Variants in OR2T34 observed in about 807,000 individuals in gnomAD.
OR2T34 encodes olfactory receptor family 2 subfamily T member 34, also known as olfactory receptor 2T34.
For synonymous variants in OR2T34, 73 were observed against 151.2 expected (o/e 0.48, Z 3.79); for missense variants, 200 against 384.5 (o/e 0.52, Z 4.01).
At position 248,574,358 on chromosome 1, in the gene OR2T34, G is replaced by T. The variant is rs149589955; in HGVS notation, c.400C>A (p.Pro134Thr). 3 of 1,577,756 alleles carry T rather than the reference G, an allele frequency of 1.9e-6. No homozygotes were observed. Among genetic ancestry groups the T allele is most frequent in the Non-Finnish European group, 2.6e-6 (3 of 1,153,344 alleles). Residue 134 changes from proline to threonine, a missense_variant, in exon 1 of 1, where the codon CCT becomes ACT. Coordinates refer to ENST00000328782, the MANE Select transcript of OR2T34 (RefSeq NM_001001821.1). ...TTCATCAGCAGTGGGTAATGGAGAGGTCTGCAAACAGCAGCATATCGGTCA... is the reference window on the plus strand; with the variant it reads ...TTCATCAGCAGTGGGTAATGGAGAGTTCTGCAAACAGCAGCATATCGGTCA... ...AYDRYAAVCR[P>T]LHYPLLMNQR...
Position 248,574,181 on chromosome 1 carries a change from A to T in OR2T34, c.577T>A (p.Ser193Thr), listed in dbSNP as rs1489562483. ...TTATAGAGGGAGACGTCAGAGCAGG[A>T]GAGCTTCAGCAGGGCAGGAGTCTCA... ...FCETPALLKL[S>T]CSDVSLYKML... The change falls in exon 1 of 1, where the codon TCC becomes ACC. Residue 193 changes from serine to threonine, a missense_variant. Ser to Thr is a moderately conservative substitution (Grantham distance 58, BLOSUM62 1). Coordinates refer to ENST00000328782, the MANE Select transcript of OR2T34 (RefSeq NM_001001821.1). 1 of 1,607,518 alleles carries T rather than the reference A, an allele frequency of 6.2e-7. No homozygotes were observed. Among genetic ancestry groups the T allele is most frequent in the Non-Finnish European group, 8.5e-7 (1 of 1,179,672 alleles).
Position 248,574,158 on chromosome 1 carries a change from A to G in OR2T34, c.600T>C (p.Tyr200=), listed in dbSNP as rs1467428129. The G allele has an allele frequency of 6.2e-7, 1 of 1,606,892 alleles. No individual in the cohort carries two copies. The highest frequency in any genetic ancestry group is 8.5e-7 in the Non-Finnish European group (1 of 1,179,750). ...TGCAGCACAGGTACGTGAGCATCTT[A>G]TAGAGGGAGACGTCAGAGCAGGAGA... is the stretch of plus-strand genomic sequence containing the variant. ...LKLSCSDVSL[Y]KMLTYLCCIL... Residue 200 remains tyrosine, a synonymous_variant, in exon 1 of 1, where the codon TAT becomes TAC. Transcript: ENST00000328782.
Position 248,574,117 on chromosome 1 carries a change from G to GT in OR2T34, c.640dup (p.Thr214AsnfsTer61), listed in dbSNP as rs774766503. ...TGAGCTGGAGATGACCATGATGGGGGTGAGAAGCATGAGGATGCAGCACAG... is the reference window on the plus strand; with the variant it reads ...TGAGCTGGAGATGACCATGATGGGGGTTGAGAAGCATGAGGATGCAGCACAG... On this transcript the variant is annotated frameshift_variant, in exon 1 of 1. Coordinates refer to ENST00000328782, the MANE Select transcript of OR2T34 (RefSeq NM_001001821.1). LOFTEE classifies it low-confidence loss of function (END_TRUNC). 5.6e-6 allele frequency: 9 copies of GT among 1,606,744 alleles called. 3 individuals carry two copies. In the African/African-American group the frequency reaches 1.3e-4, roughly 24 times the overall value.
In OR2T34 at chr1:248,574,060, A is replaced by C; in HGVS notation, c.698T>G (p.Met233Arg). The C allele has an allele frequency of 6.2e-7, 1 of 1,605,126 alleles. No homozygotes were observed. The highest frequency in any genetic ancestry group is 8.5e-7 in the Non-Finnish European group (1 of 1,179,114). The stretch of plus-strand genomic sequence containing the variant: ...CTTCCTGCGGCCGGCGGCAGAATTC[A>C]TCCTGTGGATGAGATGCAGGATGAG... The part of the protein sequence containing the change: ...YTLILHLIHR[M>R]NSAAGRRKAL... Residue 233 changes from methionine (M) to arginine (R), a missense_variant, in exon 1 of 1, where the codon ATG becomes AGG. Transcript: ENST00000328782.
chr1:248,574,578 G>A lies in OR2T34; in HGVS notation c.180C>T (p.Leu60=). ...TGATGAAGAAGTACATGGGGGTGTG[G>A]AGGCGGGGCTCTGAGTGGATGAGGA... The part of the protein sequence containing the change: ...LILLIHSEPR[L]HTPMYFFISQ... The change falls in exon 1 of 1, where the codon CTC becomes CTT. Residue 60 remains leucine (L), a synonymous_variant. Transcript: ENST00000328782. 1 of 1,534,894 alleles carries A rather than the reference G, an allele frequency of 6.5e-7. No homozygotes were observed. The highest frequency in any genetic ancestry group is 8.9e-7 in the Non-Finnish European group (1 of 1,123,814).
In OR2T34 at chr1:248,574,037, T is replaced by C. The variant is rs1214788307; in HGVS notation, c.721A>G (p.Lys241Glu). 5 of 1,596,344 alleles carry C rather than the reference T, an allele frequency of 3.1e-6. No homozygotes were observed. Among genetic ancestry groups the C allele is most frequent in the African/African-American group, 1.6e-5 (1 of 64,098 alleles). ...HRMNSAAGRR[K>E]ALATCSSHMI... Reference sequence around the variant, plus strand: ...TGGGAGGAGCAGGTGGCCAAGGCCTTCCTGCGGCCGGCGGCAGAATTCATC... The same window carrying C: ...TGGGAGGAGCAGGTGGCCAAGGCCTCCCTGCGGCCGGCGGCAGAATTCATC... Residue 241 changes from lysine (K) to glutamate (E), a missense_variant, in exon 1 of 1, where the codon AAG becomes GAG. By Grantham distance (56) the Lys-to-Glu change is moderately conservative. Coordinates refer to ENST00000328782, the MANE Select transcript of OR2T34 (RefSeq NM_001001821.1).
Position 248,574,415 on chromosome 1 carries a change from C to T in OR2T34, c.343G>A (p.Ala115Thr). Residue 115 changes from alanine to threonine, a missense_variant, in exon 1 of 1, where the codon GCT becomes ACT. Physicochemically the swap from Ala to Thr is moderately conservative, Grantham distance 58. Coordinates refer to ENST00000328782, the MANE Select transcript of OR2T34 (RefSeq NM_001001821.1). ...QMFFHLTLAG[A>T]EVFLLAAMAY... ...ATGGCAGCCAGGAGGAAAACCTCAGCTCCAGCCAGGGTCAGGTGGAAGAAC... is the reference window on the plus strand; with the variant it reads ...ATGGCAGCCAGGAGGAAAACCTCAGTTCCAGCCAGGGTCAGGTGGAAGAAC... 2.5e-6 allele frequency: 4 copies of T among 1,588,820 alleles called. No individual in the cohort carries two copies. In the East Asian group the frequency reaches 9.0e-5, roughly 36 times the overall value.
rs148006635 is a variant in OR2T34, at chr1:248,574,211, A to G, written c.547T>C (p.Phe183Leu). 5.6e-3 allele frequency: 8,960 copies of G among 1,604,964 alleles called. No homozygotes were observed. Among genetic ancestry groups the G allele is most frequent in the Middle Eastern group, 7.4e-3 (45 of 6,044 alleles). ...FCQSRKILSF[F>L]CETPALLKLS... is the part of the protein sequence containing the mutation. ...TTCAGCAGGGCAGGAGTCTCACAGA[A>G]AAAACTCAGGATTTTCCTAGACTGG... The change falls in exon 1 of 1, where the codon TTC becomes CTC. Residue 183 changes from phenylalanine (F) to leucine (L), a missense_variant. Transcript: ENST00000328782.
At position 248,574,544 on chromosome 1, in the gene OR2T34, C is replaced by T. The variant is rs761996365; in HGVS notation, c.214G>A (p.Ala72Thr). ...CATAGGTACATGAGATCCATGAGCG[C>T]GAGCTGGCTGATGAAGAAGTACATG... ...TPMYFFISQL[A>T]LMDLMYLCVT... The change falls in exon 1 of 1, where the codon GCG (alanine) becomes ACG (threonine). Residue 72 changes from alanine to threonine, a missense_variant. Physicochemically the swap from Ala to Thr is moderately conservative, Grantham distance 58. Transcript: ENST00000328782. 58 of 1,529,260 alleles carry T rather than the reference C, an allele frequency of 3.8e-5. No homozygotes were observed. The highest frequency in any genetic ancestry group is 1.8e-4 in the East Asian group (8 of 44,020). The allele number at this position is 1,529,260 out of a possible 1,614,324, so 94.7% of individuals were successfully genotyped here.
In OR2T34 at chr1:248,574,018, G is replaced by A. The variant is rs77940099; in HGVS notation, c.740C>T (p.Ser247Phe). Residue 247 changes from serine to phenylalanine, a missense_variant, in exon 1 of 1, where the codon TCC becomes TTC. By Grantham distance (155) the Ser-to-Phe change is radical. Transcript: ENST00000328782. ...CAGCAGCACTATGATCATGTGGGAG[G>A]AGCAGGTGGCCAAGGCCTTCCTGCG... ...AGRRKALATCSSHMIIVLLLF... is the reference protein window; with the variant it reads ...AGRRKALATCFSHMIIVLLLF... The A allele has an allele frequency of 0.11, 168,759 of 1,544,580 alleles. 1,831 individuals carry two copies. Among genetic ancestry groups the A allele is most frequent in the African/African-American group, 0.3 (17,456 of 58,596 alleles).
At position 248,574,410 on chromosome 1, in the gene OR2T34, C is replaced by T. The variant is rs1659723397; in HGVS notation, c.348G>A (p.Glu116=). 6 of 1,589,072 alleles carry T rather than the reference C, an allele frequency of 3.8e-6. No homozygotes were observed. The highest frequency in any genetic ancestry group is 3.3e-4 in the Middle Eastern group (2 of 5,994). Residue 116 remains glutamate, a synonymous_variant, in exon 1 of 1, where the codon GAG becomes GAA. Coordinates refer to ENST00000328782, the MANE Select transcript of OR2T34 (RefSeq NM_001001821.1). ...AGGCCATGGCAGCCAGGAGGAAAAC[C>T]TCAGCTCCAGCCAGGGTCAGGTGGA... ...MFFHLTLAGA[E]VFLLAAMAYD... is the part of the protein sequence containing the mutation.
rs746557507 is a variant in OR2T34 at position 248,574,659 on chromosome 1, G to A, written c.99C>T (p.Tyr33=). The A allele has an allele frequency of 3.2e-6, 5 of 1,541,632 alleles. No individual in the cohort carries two copies. In the East Asian group the frequency reaches 9.1e-5, roughly 28 times the overall value. Reference sequence around the variant, plus strand: ...TCAAGAAAAGAAGGAAGGTCACGGTGTAGAGGAGGGCAGCATGCTTGCTCT... The same window carrying A: ...TCAAGAAAAGAAGGAAGGTCACGGTATAGAGGAGGGCAGCATGCTTGCTCT... The part of the protein sequence containing the change: ...FAESKHAALL[Y]TVTFLLFLMA... The change falls in exon 1 of 1, where the codon TAC becomes TAT. Residue 33 remains tyrosine, a synonymous_variant. Coordinates refer to ENST00000328782, the MANE Select transcript of OR2T34 (RefSeq NM_001001821.1).
Position 248,574,378 on chromosome 1 carries a change from C to T in OR2T34, c.380G>A (p.Arg127Gln), listed in dbSNP as rs374287459. Residue 127 changes from arginine (R) to glutamine (Q), a missense_variant, in exon 1 of 1, where the codon CGA becomes CAA. Arg to Gln is a conservative substitution (Grantham distance 43, BLOSUM62 1). Transcript: ENST00000328782. ...GAGAGGTCTGCAAACAGCAGCATAT[C>T]GGTCATAGGCCATGGCAGCCAGGAG... ...VFLLAAMAYD[R>Q]YAAVCRPLHY... The T allele has an allele frequency of 4.9e-5, 78 of 1,587,936 alleles. 2 individuals are homozygous for T. In the East Asian group the frequency reaches 5.6e-4, roughly 11 times the overall value.
chr1:248,574,434 GA>G lies in OR2T34; in HGVS notation c.323del (p.Phe108SerfsTer3). 1 of 1,587,260 alleles carries G rather than the reference GA, an allele frequency of 6.3e-7. No homozygotes were observed. The highest frequency in any genetic ancestry group is 8.6e-7 in the Non-Finnish European group (1 of 1,162,322). On this transcript the variant is annotated frameshift_variant, in exon 1 of 1. Coordinates refer to ENST00000328782, the MANE Select transcript of OR2T34 (RefSeq NM_001001821.1). LOFTEE classifies it low-confidence loss of function (END_TRUNC). ...CCTCAGCTCCAGCCAGGGTCAGGTG[GA>G]AGAACATCTGGATCCCACAGCCTGA... ...SPSGCGIQMFFHLTLAGAEVF... is the reference protein window; with the variant it reads ...SPSGCGIQMFXHLTLAGAEVF...
chr1:248,574,077 C>G lies in OR2T34; in HGVS notation c.681G>C (p.Leu227=). The G allele has an allele frequency of 6.2e-7, 1 of 1,606,328 alleles. No individual in the cohort carries two copies. Among genetic ancestry groups the G allele is most frequent in the Non-Finnish European group, 8.5e-7 (1 of 1,179,524 alleles). ...CAGAATTCATCCTGTGGATGAGATG[C>G]AGGATGAGGGTGTATGAGCTGGAGA... The part of the protein sequence containing the change: ...MVISSSYTLI[L]HLIHRMNSAA... The change falls in exon 1 of 1, where the codon CTG becomes CTC. Residue 227 remains leucine (L), a synonymous_variant. Transcript: ENST00000328782.
At position 248,574,425 on chromosome 1, in the gene OR2T34, G is replaced by C. The variant is rs147184656; in HGVS notation, c.333C>G (p.Thr111=). ...GGAGGAAAACCTCAGCTCCAGCCAG[G>C]GTCAGGTGGAAGAACATCTGGATCC... ...GCGIQMFFHL[T]LAGAEVFLLA... is the part of the protein sequence containing the mutation. Residue 111 remains threonine (T), a synonymous_variant, in exon 1 of 1, where the codon ACC becomes ACG. Transcript: ENST00000328782. The C allele has an allele frequency of 1.5e-4, 234 of 1,587,926 alleles. 7 individuals are homozygous for C. The highest frequency in any genetic ancestry group is 1.8e-4 in the Non-Finnish European group (212 of 1,162,504).
chr1:248,574,190 G>A lies in OR2T34; in HGVS notation c.568C>T (p.Leu190=), dbSNP rs1184953261. The A allele has an allele frequency of 6.2e-6, 10 of 1,607,614 alleles. No homozygotes were observed. Among genetic ancestry groups the A allele is most frequent in the Non-Finnish European group, 8.5e-6 (10 of 1,179,640 alleles). ...LSFFCETPAL[L]KLSCSDVSLY... ...GAGACGTCAGAGCAGGAGAGCTTCA[G>A]CAGGGCAGGAGTCTCACAGAAAAAA... Residue 190 remains leucine, a synonymous_variant, in exon 1 of 1, where the codon CTG becomes TTG. Transcript: ENST00000328782.
chr1:248,574,429 A>G lies in OR2T34; in HGVS notation c.329T>C (p.Leu110Pro). The G allele has an allele frequency of 6.3e-7, 1 of 1,588,066 alleles. No individual in the cohort carries two copies. The highest frequency in any genetic ancestry group is 8.6e-7 in the Non-Finnish European group (1 of 1,162,464). Residue 110 changes from leucine to proline, a missense_variant, in exon 1 of 1, where the codon CTG becomes CCG. Transcript: ENST00000328782. ...GAAAACCTCAGCTCCAGCCAGGGTC[A>G]GGTGGAAGAACATCTGGATCCCACA... Reference protein sequence around the residue: ...SGCGIQMFFHLTLAGAEVFLL... With the variant: ...SGCGIQMFFHPTLAGAEVFLL...
rs766181078 is a variant in OR2T34 at position 248,574,092 on chromosome 1, T to C, written c.666A>G (p.Ser222=). Residue 222 remains serine, a synonymous_variant, in exon 1 of 1, where the codon TCA becomes TCG. Coordinates refer to ENST00000328782, the MANE Select transcript of OR2T34 (RefSeq NM_001001821.1). The part of the protein sequence containing the change: ...LLTPIMVISS[S]YTLILHLIHR... Reference sequence around the variant, plus strand: ...GGATGAGATGCAGGATGAGGGTGTATGAGCTGGAGATGACCATGATGGGGG... The same window carrying C: ...GGATGAGATGCAGGATGAGGGTGTACGAGCTGGAGATGACCATGATGGGGG... 1 of 1,606,934 alleles carries C rather than the reference T, an allele frequency of 6.2e-7. No homozygotes were observed. Among genetic ancestry groups the C allele is most frequent in the South Asian group, 1.1e-5 (1 of 91,052 alleles).
Sources: gnomAD v4.1 joint callset for allele counts on GRCh38, gnomAD v4.1.1 for gene constraint, MANE v1.5 for transcripts, NCBI Gene and HGNC (gene_info 2026-07-23, HGNC 2026-07-21) for gene names.